PRKAA1: variants seen among roughly 807,000 people sequenced by gnomAD.
The protein encoded by PRKAA1 is protein kinase AMP-activated catalytic subunit alpha 1.
In PRKAA1, 23 loss-of-function variants were observed where a neutral mutation model predicts 56.9. The ratio of observed to expected loss-of-function variants is 0.40; its 90% CI spans 0.29 to 0.57. PRKAA1 has a LOEUF of 0.57. Ranked by LOEUF, PRKAA1 falls within the 20% of genes least tolerant of loss-of-function variation. The pLI is 0.39. For synonymous variants in PRKAA1, 226 were observed against 227.0 expected, an observed-to-expected ratio of 1.00 and a Z score of 0.04; for missense variants, 413 against 679.7, an observed-to-expected ratio of 0.61 and a Z score of 4.36.
intron 1 of PRKAA1, among the ~76,000 whole-genome samples, chr5:40,784,403 A>G (rs982306704): frequency 3.3e-5 from 5 of 151,994 alleles, no homozygotes; most frequent in Non-Finnish European, 5.9e-5. Flanking sequence ...ACTACCACCA[A>G]TCCTCAGATT....
At chr5:40,774,374 G>A (rs1010515643) in intron 3 of PRKAA1, among the ~76,000 whole-genome samples, 7 of 152,074 alleles carry the variant, frequency 4.6e-5, no homozygotes, top group Admixed American at 1.3e-4. Flanking sequence ...CTAAAAAAAT[G>A]AAAATTTCAG....
chr5:40,783,321 TA>T (rs1000541474), intron 1 of PRKAA1, among the ~76,000 whole-genome samples: 82 of 150,926 alleles, frequency 5.4e-4, no homozygotes, highest in African/African-American at 7.5e-4. Flanking sequence ...CTTACAAACA[TA>T]AAAAAAAATT....
intron 8 of PRKAA1, 199 bp downstream of exon 8, chr5:40,764,315 A>G (rs1478563480): frequency 4.1e-6 from 2 of 489,412 alleles, no homozygotes; most frequent in Non-Finnish European, 6.9e-6. Context: ...TGATAATCTT[A>G]AAAGGACAAT....
At chr5:40,768,955 C>A (rs1743598663) in intron 5 of PRKAA1, 1 of 1,454,724 alleles carries the variant, frequency 6.9e-7, no homozygotes, top group South Asian at 1.2e-5. Context: ...GTTTAAAGAA[C>A]AAAGATTCAA....
intron 1 of PRKAA1, among the ~76,000 whole-genome samples, chr5:40,783,431 T>G (rs1273808860): frequency 6.6e-6 from 1 of 152,150 alleles, no homozygotes; most frequent in Non-Finnish European, 1.5e-5. Context: ...TTTTTGAATT[T>G]TACTTGCTGC....
intron 4 of PRKAA1, among the ~76,000 whole-genome samples, chr5:40,770,151 T>C (rs934748552): frequency 6.6e-6 from 1 of 152,020 alleles, no homozygotes; most frequent in Non-Finnish European, 1.5e-5. Flanking sequence ...TAGTCAAAAC[T>C]GAGGAAAATT....
chr5:40,787,467 A>AAATAATAAT (rs150503090), intron 1 of PRKAA1, among the ~76,000 whole-genome samples: 58 of 150,060 alleles, frequency 3.9e-4, no homozygotes, highest in African/African-American at 1.3e-3. Context: ...CTCCATCTCA[A>AAATAATAAT]AATAATAATA....
chr5:40,787,622 T>A (rs992629558), intron 1 of PRKAA1, among the ~76,000 whole-genome samples: 2 of 152,128 alleles, frequency 1.3e-5, no homozygotes, highest in African/African-American at 4.8e-5. Context: ...GTTAACTTGT[T>A]ATCAGCTTAT....
chr5:40,774,050 A>AT (rs1487887135), intron 3 of PRKAA1, among the ~76,000 whole-genome samples: 3 of 152,234 alleles, frequency 2.0e-5, no homozygotes, highest in Admixed American at 2.0e-4. Flanking sequence ...CCAAGAAAAC[A>AT]TATTTGTTAT....
chr5:40,782,081 C>A (rs1165233109), intron 1 of PRKAA1, among the ~76,000 whole-genome samples: 7 of 152,134 alleles, frequency 4.6e-5, no homozygotes, highest in Non-Finnish European at 8.8e-5. Flanking sequence ...AGCTGCTCAG[C>A]TGAAACAGGA....
At chr5:40,791,729 A>G (rs1744725600) in intron 1 of PRKAA1, among the ~76,000 whole-genome samples, 1 of 152,228 alleles carries the variant, frequency 6.6e-6, no homozygotes, top group Non-Finnish European at 1.5e-5. Flanking sequence ...AATTTAAGAA[A>G]GCAAACAAAC....
chr5:40,769,888 A>AC (rs1348120151), intron 4 of PRKAA1, among the ~76,000 whole-genome samples: 1 of 148,980 alleles, frequency 6.7e-6, no homozygotes, highest in African/African-American at 2.5e-5. Flanking sequence ...TAAAAAAAAA[A>AC]AAAAAAAAAA....
chr5:40,779,211 G>C (rs554847312), intron 1 of PRKAA1, among the ~76,000 whole-genome samples: 1 of 151,970 alleles, frequency 6.6e-6, no homozygotes, highest in South Asian at 2.1e-4. Context: ...TTTGGGTTTA[G>C]GACATAATCC....
intron 1 of PRKAA1, among the ~76,000 whole-genome samples, chr5:40,783,121 G>C (rs755596024): frequency 6.6e-6 from 1 of 151,974 alleles, no homozygotes; most frequent in Non-Finnish European, 1.5e-5. Context: ...ACATGATCAG[G>C]ATCTTTTCTT....
At position 40,765,278 on chromosome 5, in the gene PRKAA1, T is replaced by C. The variant is rs760657053; in HGVS notation, c.822-40A>G. The C allele has an allele frequency of 5.1e-6, 8 of 1,555,846 alleles. No homozygotes were observed. In the African/African-American group the frequency reaches 1.1e-4, roughly 21 times the overall value. On this transcript the variant is annotated intron_variant, in intron 6 of 8. Coordinates refer to ENST00000397128, the MANE Select transcript of PRKAA1 (RefSeq NM_006251.6). ...GCAGGATCAGGAGAAGGACTTTGAA[T>C]AGAGCTGAGACTGAAAGTAACAGTT...
At chr5:40,776,254 G>A (rs554940362) in intron 2 of PRKAA1, among the ~76,000 whole-genome samples, 1 of 152,338 alleles carries the variant, frequency 6.6e-6, no homozygotes, top group East Asian at 1.9e-4. Context: ...ATGGTAGAAA[G>A]TGAAAGAAAC....
In PRKAA1 at chr5:40,788,542, C is replaced by A. The variant is rs143556538; in HGVS notation, c.127+9521G>T. On this transcript the variant is annotated intron_variant, in intron 1 of 8. Transcript: ENST00000397128. ...GACATCAAACTAAAAAGCTTCTGAACAGCAAAAAACAAACAAACAGGCCAG... is the reference window on the plus strand; with the variant it reads ...GACATCAAACTAAAAAGCTTCTGAAAAGCAAAAAACAAACAAACAGGCCAG... Among the ~76,000 whole-genome samples the A allele has an allele frequency of 5.8e-3, 879 of 152,180 alleles. 8 individuals carry two copies. The highest frequency in any genetic ancestry group is 0.02 in the African/African-American group (848 of 41,506).
At chr5:40,795,635 G>A (rs1164636356) in intron 1 of PRKAA1, among the ~76,000 whole-genome samples, 1 of 152,132 alleles carries the variant, frequency 6.6e-6, no homozygotes, top group Non-Finnish European at 1.5e-5. Flanking sequence ...CTTATCTGTG[G>A]AAAGAGAACC....
At chr5:40,765,366 G>C (rs1235559058) in intron 6 of PRKAA1, 128 bp from the exon 7 acceptor site, 1 of 1,152,206 alleles carries the variant, frequency 8.7e-7, no homozygotes, top group African/African-American at 1.6e-5. Flanking sequence ...GTCACTTTTT[G>C]CACTGAAATT....
Sources: gnomAD v4.1 joint callset for allele counts (sites outside exome capture counted in the v4.1 genomes callset) on GRCh38, gnomAD v4.1.1 for gene constraint, MANE v1.5 for transcripts, NCBI Gene and HGNC (gene_info 2026-07-23, HGNC 2026-07-21) for gene names.